GLG1: variants seen among roughly 807,000 people sequenced by gnomAD.
The protein encoded by GLG1 is Golgi apparatus protein 1.
A neutral mutation model predicts 160.5 loss-of-function variants in GLG1; 38 were observed. That is an observed-to-expected ratio of 0.24 (90% CI 0.18 to 0.31). The LOEUF (loss-of-function observed/expected upper bound fraction) is 0.31, where lower values mean the gene tolerates loss of function less well. Among genes scored for constraint, GLG1 ranks in the 10% least tolerant of loss-of-function variants. The pLI is 1.00. For missense variants in GLG1, 1,373 were observed against 1,505.2 expected (o/e 0.91, Z 1.45); for synonymous variants, 644 against 543.4 (o/e 1.19, Z -2.57).
At chr16:74,519,228 C>A (rs566536633) in intron 2 of GLG1, among the ~76,000 whole-genome samples, 15 of 151,574 alleles carry the variant, frequency 9.9e-5, no homozygotes, top group African/African-American at 3.6e-4. Context: ...AGCAAACTAT[C>A]ACAAGATCAG....
At position 74,452,684 on chromosome 16, in the gene GLG1, G is replaced by T; in HGVS notation, c.*483C>A. ...GAGACACCTCAGTCATGGCACACTG[G>T]GTGGTGTGCTTCCCCTCCAAGTCCT... On this transcript the variant is annotated 3_prime_UTR_variant, in exon 26 of 26. Transcript: ENST00000422840. 1.0e-6 allele frequency: 1 copy of T among 993,504 alleles called. No individual in the cohort carries two copies. The highest frequency in any genetic ancestry group is 1.2e-6 in the Non-Finnish European group (1 of 834,348). 61.5% of individuals were successfully genotyped at this position (993,504 alleles called of 1,614,324 possible).
chr16:74,484,040 T>C (rs2015701586), intron 9 of GLG1, among the ~76,000 whole-genome samples: 2 of 152,138 alleles, frequency 1.3e-5, no homozygotes, highest in African/African-American at 2.4e-5. Flanking sequence ...GTATCTTAAA[T>C]GTATTTTCAT....
intron 11 of GLG1, among the ~76,000 whole-genome samples, chr16:74,477,931 C>A (rs2143290860): frequency 6.6e-6 from 1 of 150,456 alleles, no homozygotes; most frequent in African/African-American, 2.4e-5. Flanking sequence ...TGAGATTGCA[C>A]TACTGCACTC....
In GLG1 at chr16:74,493,873, CCAAA is replaced by C. The variant is rs879618619; in HGVS notation, c.1051-737_1051-734del. On this transcript the variant is annotated intron_variant, in intron 6 of 25. Coordinates refer to ENST00000422840, the MANE Select transcript of GLG1 (RefSeq NM_001145667.2). ...ATATAAAATTCTCTGATTTTACTCCCCAAACAAAGTAATATCTGAGAATTTTATA... is the reference window on the plus strand; with the variant it reads ...ATATAAAATTCTCTGATTTTACTCCCCAAAGTAATATCTGAGAATTTTATA... Among the ~76,000 whole-genome samples the C allele has an allele frequency of 1.5e-4, 23 of 151,872 alleles. No individual in the cohort carries two copies. The South Asian group carries it at 1.7e-3, about 11-fold the overall frequency.
intron 3 of GLG1, among the ~76,000 whole-genome samples, chr16:74,506,350 G>A (rs1332920058): frequency 2.6e-5 from 4 of 151,366 alleles, no homozygotes; most frequent in East Asian, 1.9e-4. Flanking sequence ...AGGCCCAGGC[G>A]GGCGGATCAC....
At chr16:74,533,096 G>A (rs1323813568) in intron 1 of GLG1, among the ~76,000 whole-genome samples, 3 of 151,554 alleles carry the variant, frequency 2.0e-5, no homozygotes, top group Non-Finnish European at 4.4e-5. Context: ...TGAGGTGGGC[G>A]GATCACAAGG....
chr16:74,476,224 C>T (rs771092728), intron 12 of GLG1, among the ~76,000 whole-genome samples: 25 of 152,022 alleles, frequency 1.6e-4, no homozygotes, highest in Non-Finnish European at 3.2e-4. Flanking sequence ...TTCTCCATGA[C>T]GGGCTGCAAT....
intron 1 of GLG1, among the ~76,000 whole-genome samples, chr16:74,590,481 C>T (rs1399724369): frequency 6.6e-6 from 1 of 151,610 alleles, no homozygotes; most frequent in African/African-American, 2.4e-5. Flanking sequence ...AATAGCCAGG[C>T]GTAGTGGCGG....
At chr16:74,495,725 A>T (rs538541635) in intron 5 of GLG1, among the ~76,000 whole-genome samples, 2 of 152,230 alleles carry the variant, frequency 1.3e-5, no homozygotes, top group Non-Finnish European at 2.9e-5. Context: ...TGTAAATAAG[A>T]TCCTGGGTAA....
intron 1 of GLG1, among the ~76,000 whole-genome samples, chr16:74,588,401 G>C (rs1230373857): frequency 6.6e-6 from 1 of 152,110 alleles, no homozygotes; most frequent in Non-Finnish European, 1.5e-5. Context: ...TTGAATTTAA[G>C]CTTTTTGGAT....
chr16:74,508,971 A>G, intron 2 of GLG1, 46 bp from the exon 3 acceptor site: 1 of 801,578 alleles, frequency 1.2e-6, no homozygotes, highest in Non-Finnish European at 2.1e-6. Flanking sequence ...CTCCAGTTAG[A>G]ACAGTACGAA....
intron 1 of GLG1, among the ~76,000 whole-genome samples, chr16:74,538,335 C>T (rs1048366503): frequency 1.3e-5 from 2 of 151,832 alleles, no homozygotes; most frequent in African/African-American, 4.8e-5. Context: ...AACCCAGTAA[C>T]TTCCCATCAC....
chr16:74,549,082 AT>A (rs2018127625), intron 1 of GLG1, among the ~76,000 whole-genome samples: 1 of 152,224 alleles, frequency 6.6e-6, no homozygotes, highest in Non-Finnish European at 1.5e-5. Context: ...CAATGAATCA[AT>A]CTTATACATT....
At chr16:74,531,298 C>T (rs369656918) in intron 2 of GLG1, among the ~76,000 whole-genome samples, 1 of 151,926 alleles carries the variant, frequency 6.6e-6, no homozygotes, top group Non-Finnish European at 1.5e-5. Flanking sequence ...CTTCTAAGAC[C>T]CAGATCAAGT....
At chr16:74,486,542 G>A (rs2015791248) in intron 8 of GLG1, among the ~76,000 whole-genome samples, 1 of 152,114 alleles carries the variant, frequency 6.6e-6, no homozygotes, top group Non-Finnish European at 1.5e-5. Context: ...AAAAATACTT[G>A]TCATTATGCA....
chr16:74,495,811 G>C (rs1226420229), intron 5 of GLG1, among the ~76,000 whole-genome samples: 1 of 152,214 alleles, frequency 6.6e-6, no homozygotes, highest in Non-Finnish European at 1.5e-5. Context: ...AAAATACTAA[G>C]TGGAGATCAT....
At chr16:74,527,961 T>C (rs886474702) in intron 2 of GLG1, among the ~76,000 whole-genome samples, 2 of 149,538 alleles carry the variant, frequency 1.3e-5, no homozygotes, top group African/African-American at 2.5e-5. Context: ...CTCGGCTCAC[T>C]GCCAGCTCCA....
At chr16:74,478,816 G>T (rs2015485697) in intron 11 of GLG1, among the ~76,000 whole-genome samples, 1 of 150,302 alleles carries the variant, frequency 6.7e-6, no homozygotes, top group Admixed American at 6.6e-5. Context: ...GGAGGGTGAG[G>T]CAGGAGGCGG....
intron 4 of GLG1, among the ~76,000 whole-genome samples, chr16:74,499,051 G>A (rs961548915): frequency 2.0e-5 from 3 of 151,758 alleles, no homozygotes; most frequent in African/African-American, 7.3e-5. Context: ...CACATATGAA[G>A]AAAGGACACA....
Sources: gnomAD v4.1 joint callset for allele counts (sites outside exome capture counted in the v4.1 genomes callset) on GRCh38, gnomAD v4.1.1 for gene constraint, MANE v1.5 for transcripts, NCBI Gene and HGNC (gene_info 2026-07-23, HGNC 2026-07-21) for gene names.